Variants in DNAJB6 observed in about 807,000 individuals in gnomAD.
DNAJB6 encodes the protein DnaJ heat shock protein family (Hsp40) member B6, also known as dnaJ homolog subfamily B member 6.
DNAJB6 carries 16 observed loss-of-function variants against 42.7 expected under a neutral mutation model. That is an observed-to-expected ratio of 0.37 (90% CI 0.25 to 0.57). The LOEUF (loss-of-function observed/expected upper bound fraction) is 0.57. Among genes scored for constraint, DNAJB6 ranks in the 20% least tolerant of loss-of-function variants. The probability of loss-of-function intolerance (pLI) is 0.74; values close to 1 mark genes in which losing one functional copy is unlikely to be tolerated. For missense variants in DNAJB6, 347 were observed against 416.8 expected (o/e 0.83, Z 1.46); for synonymous variants, 170 against 163.5 (o/e 1.04, Z -0.30).
intron 8 of DNAJB6, among the ~76,000 whole-genome samples, chr7:157,406,609 G>C (rs374063795): frequency 1.3e-4 from 20 of 152,156 alleles, no homozygotes; most frequent in African/African-American, 4.8e-4. Context: ...GCATCCACAG[G>C]AGCCAGGCTG....
At chr7:157,370,178 A>G (rs986195634) in intron 5 of DNAJB6, among the ~76,000 whole-genome samples, 2 of 146,700 alleles carry the variant, frequency 1.4e-5, no homozygotes, top group African/African-American at 5.0e-5. Context: ...CATTATTATT[A>G]AACAGGCCCC....
At chr7:157,347,941 G>A in intron 1 of DNAJB6, among the ~76,000 whole-genome samples, 1 of 151,538 alleles carries the variant, frequency 6.6e-6, no homozygotes, top group Non-Finnish European at 1.5e-5. Flanking sequence ...GATTACAGGT[G>A]CACACCACCA....
chr7:157,406,076 A>C (rs1025475009), intron 8 of DNAJB6, among the ~76,000 whole-genome samples: 11 of 152,224 alleles, frequency 7.2e-5, no homozygotes, highest in Non-Finnish European at 1.3e-4. Flanking sequence ...AGAACCATCG[A>C]GGCCGAATCG....
intron 1 of DNAJB6, among the ~76,000 whole-genome samples, chr7:157,357,465 C>T (rs748610416): frequency 2.0e-5 from 3 of 150,754 alleles, no homozygotes; most frequent in Admixed American, 6.7e-5. Context: ...GTGTGCACCA[C>T]GATGCCGGCT....
rs376940371 is a variant in DNAJB6, at chr7:157,413,372, T to G, written c.899-2644T>G. 16 of 152,316 alleles carry G rather than the reference T, an allele frequency of 1.1e-4. No individual in the cohort carries two copies. In the East Asian group the frequency reaches 2.3e-3, roughly 22 times the overall value. 9.4% of individuals were successfully genotyped at this position (152,316 alleles called of 1,614,324 possible). A position where few individuals can be genotyped will look rare whatever the true frequency, so the allele number is the denominator to read the frequency against. The stretch of plus-strand genomic sequence containing the variant: ...CTGGAACGCTGTAGAATGTCTCCCT[T>G]TTTGTGAAGCACAGCATGGAGCTCT... On this transcript the variant is annotated intron_variant, in intron 9 of 9. Transcript: ENST00000262177.
At chr7:157,395,193 C>T (rs971139783) in intron 8 of DNAJB6, among the ~76,000 whole-genome samples, 1 of 152,088 alleles carries the variant, frequency 6.6e-6, no homozygotes, top group Admixed American at 6.5e-5. Context: ...TACTTGAGAG[C>T]ACTACGTTTA....
In DNAJB6 at chr7:157,408,630, G is replaced by A. The variant is rs962495644; in HGVS notation, c.692-1165G>A. On this transcript the variant is annotated intron_variant, in intron 8 of 9. Coordinates refer to ENST00000262177, the MANE Select transcript of DNAJB6 (RefSeq NM_058246.4). ...AGGTTCCTTCCTGACCTCGGAGCCC[G>A]TTCTCTCTGTTGTGGTTGAGCCACA... Among the ~76,000 whole-genome samples the A allele has an allele frequency of 2.6e-5, 4 of 152,380 alleles. No homozygotes were observed. The South Asian group carries it at 6.2e-4, about 24-fold the overall frequency.
chr7:157,363,024 G>A (rs1799680756), intron 2 of DNAJB6, 137 bp from the exon 3 acceptor site: 8 of 558,002 alleles, frequency 1.4e-5, no homozygotes, highest in Non-Finnish European at 2.3e-5. Context: ...AGGAAAGGGA[G>A]GTTTTACAGT....
chr7:157,368,977 C>T (rs1799978282), intron 5 of DNAJB6: 2 of 342,394 alleles, frequency 5.8e-6, no homozygotes, highest in African/African-American at 2.2e-5. Flanking sequence ...TGCAGTTCTT[C>T]AGTGTGTCTC....
chr7:157,338,524 G>A (rs1798169303), intron 1 of DNAJB6, among the ~76,000 whole-genome samples: 1 of 152,110 alleles, frequency 6.6e-6, no homozygotes, highest in African/African-American at 2.4e-5. Flanking sequence ...AGTAGAGACG[G>A]GGGTTTCACC....
Position 157,370,250 on chromosome 7 carries a change from A to C in DNAJB6, c.346+2767A>C, listed in dbSNP as rs1445906341. ...ATTATTATTAAACAGGCCCTTTCTTAACATTATTATTAAACCGGCCTTTCA... is the reference window on the plus strand; with the variant it reads ...ATTATTATTAAACAGGCCCTTTCTTCACATTATTATTAAACCGGCCTTTCA... On this transcript the variant is annotated intron_variant, in intron 5 of 9. Coordinates refer to ENST00000262177, the MANE Select transcript of DNAJB6 (RefSeq NM_058246.4). Among the ~76,000 whole-genome samples the C allele has an allele frequency of 2.0e-4, 27 of 135,016 alleles. 1 individual carries two copies. The highest frequency in any genetic ancestry group is 4.3e-4 in the African/African-American group (17 of 39,702). The allele number at this position is 135,016 out of a possible 152,430, so 88.6% of individuals were successfully genotyped here.
Position 157,357,281 on chromosome 7 carries a change from TCC to T in DNAJB6, c.-26-1265_-26-1264del, listed in dbSNP as rs1350408203. Reference sequence around the variant, plus strand: ...TTCCTTCCGTCCTTCCTTCCGTCCTTCCTTCCGTCCTTCCTTCCTTCCTTCCT... The same window carrying T: ...TTCCTTCCGTCCTTCCTTCCGTCCTTTTCCGTCCTTCCTTCCTTCCTTCCT... On this transcript the variant is annotated intron_variant, in intron 1 of 9. Transcript: ENST00000262177. Among the ~76,000 whole-genome samples, 170 of 39,782 alleles carry T rather than the reference TCC, an allele frequency of 4.3e-3. 19 individuals carry two copies. Among genetic ancestry groups the T allele is most frequent in the East Asian group, 0.035 (36 of 1,020 alleles). 26.1% of individuals were successfully genotyped at this position (39,782 alleles called of 152,430 possible).
intron 8 of DNAJB6, among the ~76,000 whole-genome samples, chr7:157,405,458 T>C (rs1031504855): frequency 1.3e-5 from 2 of 152,172 alleles, no homozygotes; most frequent in Non-Finnish European, 2.9e-5. Context: ...CCCAGCTCCT[T>C]CCTCCTCGTG....
intron 8 of DNAJB6, among the ~76,000 whole-genome samples, chr7:157,393,965 G>A (rs141908075): frequency 4.9e-4 from 74 of 152,310 alleles, no homozygotes; most frequent in African/African-American, 1.7e-3. Flanking sequence ...GTGATCATGC[G>A]CCTTTCTCAT....
chr7:157,358,788 C>T (rs936842922), intron 2 of DNAJB6, 151 bp downstream of exon 2: 24 of 654,194 alleles, frequency 3.7e-5, no homozygotes, highest in African/African-American at 2.7e-4. Flanking sequence ...GAGCAGTTAA[C>T]GAGCATTTGC....
chr7:157,363,560 T>C (rs1325927462), intron 3 of DNAJB6, among the ~76,000 whole-genome samples: 1 of 151,938 alleles, frequency 6.6e-6, no homozygotes, highest in East Asian at 1.9e-4. Context: ...AGAGAGGAGG[T>C]TGCGGGACTC....
intron 8 of DNAJB6, chr7:157,386,046 T>C (rs1801040384): frequency 1.0e-6 from 1 of 987,844 alleles, no homozygotes; most frequent in South Asian, 4.7e-5. Context: ...ACGATTCTTC[T>C]ACAGAAATAA....
intron 5 of DNAJB6, among the ~76,000 whole-genome samples, chr7:157,370,342 T>C (rs1028680748): frequency 1.3e-5 from 2 of 152,162 alleles, no homozygotes; most frequent in African/African-American, 4.8e-5. Flanking sequence ...TTAACATTAT[T>C]ATTAAACAGG....
chr7:157,342,072 G>T (rs1357362545), intron 1 of DNAJB6, among the ~76,000 whole-genome samples: 1 of 152,098 alleles, frequency 6.6e-6, no homozygotes, highest in African/African-American at 2.4e-5. Flanking sequence ...TTGCCATGTT[G>T]GCCAGACTGG....
Sources: allele counts gnomAD v4.1 joint callset (sites outside exome capture counted in the v4.1 genomes callset), GRCh38; gene constraint gnomAD v4.1.1; transcripts MANE v1.5; gene names NCBI Gene and HGNC (gene_info 2026-07-23, HGNC 2026-07-21).